TBX19: variants seen among roughly 807,000 people sequenced by gnomAD.
The protein encoded by TBX19 is T-box transcription factor TBX19.
TBX19 carries 33 observed loss-of-function variants against 40.9 expected under a neutral mutation model. The ratio of observed to expected loss-of-function variants is 0.81; its 90% CI spans 0.61 to 1.08. TBX19 has a LOEUF of 1.08. TBX19 is among the 50% of genes least tolerant of loss of function. The probability of loss-of-function intolerance (pLI) is 0.00; values close to 1 mark genes in which losing one functional copy is unlikely to be tolerated. For missense variants in TBX19, 494 were observed against 574.0 expected, an observed-to-expected ratio of 0.86 and a Z score of 1.42; for synonymous variants, 220 against 225.0, an observed-to-expected ratio of 0.98 and a Z score of 0.20.
In TBX19 at chr1:168,293,128, TCTC is replaced by T. The variant is rs1364651992; in HGVS notation, c.469-13_469-11del. On this transcript the variant is annotated splice_polypyrimidine_tract_variant and intron_variant, in intron 2 of 7. Coordinates refer to ENST00000367821, the MANE Select transcript of TBX19 (RefSeq NM_005149.3). Reference sequence around the variant, plus strand: ...GGCTTTGCTTTTCTCCTCTTTCTCTTCTCCTGCCTCGACAGATAATGTTGAATT... The same window carrying T: ...GGCTTTGCTTTTCTCCTCTTTCTCTTCTGCCTCGACAGATAATGTTGAATT... The T allele has an allele frequency of 6.2e-7, 1 of 1,613,446 alleles. No homozygotes were observed. Among genetic ancestry groups the T allele is most frequent in the Non-Finnish European group, 8.5e-7 (1 of 1,179,778 alleles).
intron 3 of TBX19, among the ~76,000 whole-genome samples, chr1:168,294,289 C>T (rs1001045833): frequency 5.9e-5 from 9 of 151,876 alleles, no homozygotes; most frequent in African/African-American, 1.2e-4. Context: ...CACTATTTCA[C>T]GTAATCAGCC....
intron 1 of TBX19, among the ~76,000 whole-genome samples, chr1:168,285,197 A>G (rs1396217662): frequency 4.0e-5 from 6 of 151,730 alleles, no homozygotes; most frequent in Non-Finnish European, 7.4e-5. Flanking sequence ...TTTAATTGAC[A>G]CCTGTTGCTA....
intron 2 of TBX19, 40 bp downstream of exon 2, chr1:168,291,464 C>G: frequency 6.2e-7 from 1 of 1,613,818 alleles, no homozygotes; most frequent in East Asian, 2.2e-5. Flanking sequence ...CCGCTCCGGC[C>G]TCCCCACAAC....
rs769350624 is a variant in TBX19 at position 168,293,290 on chromosome 1, TGTGTGTG to T, written c.603+13_603+19del. ...ATCAGAATGAGGAGGTAAGAGTGTG[TGTGTGTG>T]TGTGTGTGTGTGTGTGTGTGTGTGT... is the stretch of plus-strand genomic sequence containing the variant. On this transcript the variant is annotated intron_variant, in intron 3 of 7. Coordinates refer to ENST00000367821, the MANE Select transcript of TBX19 (RefSeq NM_005149.3). 3,838 of 1,449,462 alleles carry T rather than the reference TGTGTGTG, an allele frequency of 2.6e-3. 55 individuals are homozygous for T. In the African/African-American group the frequency reaches 0.045, roughly 17 times the overall value. 89.8% of individuals were successfully genotyped at this position (1,449,462 alleles called of 1,614,324 possible).
chr1:168,291,489 A>G, intron 2 of TBX19, 65 bp downstream of exon 2: 1 of 1,610,968 alleles, frequency 6.2e-7, no homozygotes, highest in South Asian at 1.1e-5. Context: ...ATCAAGAAAT[A>G]TCAAGGGTGC....
At chr1:168,292,858 C>T (rs113756475) in intron 2 of TBX19, among the ~76,000 whole-genome samples, 182 of 134,500 alleles carry the variant, frequency 1.4e-3, no homozygotes, top group Admixed American at 4.4e-3. Flanking sequence ...AGCGAGACTC[C>T]GTCTCAAAAA....
At chr1:168,281,467 C>T (rs1285021469) in intron 1 of TBX19, among the ~76,000 whole-genome samples, 174 bp downstream of exon 1, 2 of 152,214 alleles carry the variant, frequency 1.3e-5, no homozygotes, top group African/African-American at 4.8e-5. Context: ...ATTAATTTAT[C>T]TGAGATCATC....
intron 4 of TBX19, among the ~76,000 whole-genome samples, chr1:168,298,936 T>G (rs1236868390): frequency 6.8e-6 from 1 of 147,354 alleles, no homozygotes; most frequent in Non-Finnish European, 1.5e-5. Context: ...CCTTCCTTCT[T>G]TCTTTTTTTT....
At chr1:168,294,064 T>TA (rs1649034567) in intron 3 of TBX19, among the ~76,000 whole-genome samples, 1 of 152,206 alleles carries the variant, frequency 6.6e-6, no homozygotes, top group Admixed American at 6.5e-5. Flanking sequence ...AAGAATAACT[T>TA]AGAGTGTGTC....
chr1:168,285,321 G>A (rs1433487086), intron 1 of TBX19, among the ~76,000 whole-genome samples: 2 of 151,612 alleles, frequency 1.3e-5, no homozygotes, highest in Admixed American at 6.6e-5. Flanking sequence ...GTTCTGATGA[G>A]TATTTGATAA....
At chr1:168,300,540 C>G in intron 5 of TBX19, 57 bp downstream of exon 5, 1 of 1,509,616 alleles carries the variant, frequency 6.6e-7, no homozygotes, top group Non-Finnish European at 9.2e-7. Flanking sequence ...GAGCCAGCTC[C>G]TTCCACACTC....
At chr1:168,291,888 C>T (rs1648953180) in intron 2 of TBX19, among the ~76,000 whole-genome samples, 1 of 152,012 alleles carries the variant, frequency 6.6e-6, no homozygotes, top group South Asian at 2.1e-4. Context: ...ATTGAATCAG[C>T]TTTGGTTTTT....
chr1:168,291,448 G>A, intron 2 of TBX19, 24 bp downstream of exon 2: 1 of 1,614,058 alleles, frequency 6.2e-7, no homozygotes, highest in Non-Finnish European at 8.5e-7. Context: ...GGGCAGGCCT[G>A]GCCACCCGCT....
chr1:168,295,315 T>C (rs946313348), intron 3 of TBX19, among the ~76,000 whole-genome samples: 5 of 152,124 alleles, frequency 3.3e-5, no homozygotes, highest in African/African-American at 1.2e-4. Flanking sequence ...GATCTTGTTG[T>C]TGCTTCCATC....
At chr1:168,291,114 T>C in intron 1 of TBX19, 46 bp from the exon 2 acceptor site, 1 of 1,613,218 alleles carries the variant, frequency 6.2e-7, no homozygotes, top group Non-Finnish European at 8.5e-7. Context: ...AGGTGAGAGT[T>C]CCTCTAACGT....
At chr1:168,288,289 TA>T in intron 1 of TBX19, among the ~76,000 whole-genome samples, 1 of 152,360 alleles carries the variant, frequency 6.6e-6, no homozygotes, top group South Asian at 2.1e-4. Flanking sequence ...TTTTTTGTAT[TA>T]TTTTTTATTG....
intron 2 of TBX19, among the ~76,000 whole-genome samples, chr1:168,291,996 G>C (rs1290936562): frequency 6.6e-6 from 1 of 152,054 alleles, no homozygotes; most frequent in African/African-American, 2.4e-5. Flanking sequence ...TTTTCCTCTT[G>C]TTTTCTGTGT....
intron 5 of TBX19, 97 bp downstream of exon 5, chr1:168,300,580 G>T: frequency 8.6e-7 from 1 of 1,168,006 alleles, no homozygotes. Context: ...ACTGCTTAAG[G>T]ACTTCCAAAT....
At chr1:168,300,261 C>T (rs1251599399) in intron 4 of TBX19, among the ~76,000 whole-genome samples, 161 bp from the exon 5 acceptor site, 4 of 151,884 alleles carry the variant, frequency 2.6e-5, no homozygotes, top group African/African-American at 2.4e-5. Context: ...GACAGCACCC[C>T]GAAGGAAGGA....
Sources: allele counts gnomAD v4.1 joint callset (sites outside exome capture counted in the v4.1 genomes callset), GRCh38; gene constraint gnomAD v4.1.1; transcripts MANE v1.5; gene names NCBI Gene and HGNC (gene_info 2026-07-23, HGNC 2026-07-21).